CLIP4: variants seen among roughly 807,000 people sequenced by gnomAD.
CLIP4 encodes CAP-Gly domain containing linker protein family member 4.
A neutral mutation model predicts 73.1 loss-of-function variants in CLIP4; 47 were observed. That is an observed-to-expected ratio of 0.64 (90% confidence interval 0.51 to 0.82). The LOEUF is 0.82. Ranked by LOEUF, CLIP4 falls within the 40% of genes least tolerant of loss-of-function variation. The pLI, the probability that CLIP4 is intolerant of heterozygous loss-of-function variation, is 0.00. For synonymous variants in CLIP4, 306 were observed against 295.4 expected (o/e 1.04, Z -0.37); for missense variants, 874 against 852.9 (o/e 1.02, Z -0.31).
chr2:29,134,444 A>G lies in CLIP4; in HGVS notation c.529+628A>G, dbSNP rs547565054. ...GTACAATATTTTCCCCATTGTAGGA[A>G]CATGCTTCAGAGATTCAATAGATAA... On this transcript the variant is annotated intron_variant, in intron 5 of 15. Coordinates refer to ENST00000320081, the MANE Select transcript of CLIP4 (RefSeq NM_024692.6). 1.6e-4 allele frequency among the ~76,000 whole-genome samples: 24 copies of G among 152,332 alleles called. No individual in the cohort carries two copies. In the East Asian group the frequency reaches 4.6e-3, roughly 29 times the overall value.
intron 1 of CLIP4, among the ~76,000 whole-genome samples, chr2:29,108,091 A>C (rs1389959941): frequency 6.6e-6 from 1 of 152,122 alleles, no homozygotes; most frequent in Non-Finnish European, 1.5e-5. Context: ...CTTTATCCAC[A>C]GGGGATATGT....
chr2:29,118,517 A>T (rs977491976), intron 1 of CLIP4, among the ~76,000 whole-genome samples: 29 of 138,928 alleles, frequency 2.1e-4, no homozygotes, highest in Admixed American at 1.6e-3. Context: ...ATTAGTGCCA[A>T]TTTTTTTTTT....
intron 1 of CLIP4, among the ~76,000 whole-genome samples, chr2:29,107,143 G>T (rs1333994332): frequency 1.3e-5 from 2 of 152,020 alleles, no homozygotes; most frequent in Non-Finnish European, 2.9e-5. Flanking sequence ...GCTCCAATGG[G>T]TCTGACATTT....
In CLIP4 at chr2:29,146,020, A is replaced by T. The variant is rs115946523; in HGVS notation, c.1021+653A>T. 4.9e-3 allele frequency among the ~76,000 whole-genome samples: 745 copies of T among 152,300 alleles called. 4 individuals carry two copies. Among genetic ancestry groups the T allele is most frequent in the African/African-American group, 0.016 (674 of 41,580 alleles). ...AGAGGCCATGATGGAAAGGTTTAGG[A>T]GGGTGTCTGGTAGTGACTGGTGAAG... On this transcript the variant is annotated intron_variant, in intron 8 of 15. Transcript: ENST00000320081.
chr2:29,135,150 G>C (rs1431907701), intron 5 of CLIP4, among the ~76,000 whole-genome samples: 1 of 152,128 alleles, frequency 6.6e-6, no homozygotes, highest in Non-Finnish European at 1.5e-5. Context: ...TTTGGCCTCT[G>C]AGTCATAGGT....
chr2:29,157,763 C>T (rs1246955416), intron 11 of CLIP4, among the ~76,000 whole-genome samples: 3 of 152,272 alleles, frequency 2.0e-5, no homozygotes, highest in African/African-American at 7.2e-5. Context: ...TTTAACTAGC[C>T]GTGAACCTGC....
chr2:29,130,648 C>T (rs1362124326), intron 2 of CLIP4: 13 of 1,126,004 alleles, frequency 1.2e-5, no homozygotes, highest in South Asian at 4.0e-5. Flanking sequence ...TCTAAGCTTA[C>T]GAATGTTATC....
Position 29,181,668 on chromosome 2 carries a change from C to T in CLIP4, c.1893C>T (p.Leu631=), listed in dbSNP as rs142979366. The T allele has an allele frequency of 1.2e-4, 191 of 1,614,182 alleles. 1 individual carries two copies. The African/African-American group carries it at 2.1e-3, about 18-fold the overall frequency. The change falls in exon 16 of 16, where the codon CTC becomes CTT. Residue 631 remains leucine (L), a synonymous_variant. Coordinates refer to ENST00000320081, the MANE Select transcript of CLIP4 (RefSeq NM_024692.6). ...VKLHEGSQVL[L]TSSNEMGTVR... ...TGCACGAGGGGTCTCAGGTCCTGCT[C>T]ACGAGCTCCAATGAGATGGGTACTG... is the stretch of plus-strand genomic sequence containing the variant.
At chr2:29,143,412 T>TCC (rs1553370903) in intron 6 of CLIP4, among the ~76,000 whole-genome samples, 21 of 145,686 alleles carry the variant, frequency 1.4e-4, no homozygotes, top group African/African-American at 5.2e-4. Flanking sequence ...TTTTTTTTTT[T>TCC]CCCTCCAGGC....
At chr2:29,101,030 C>T (rs554983792) in intron 1 of CLIP4, among the ~76,000 whole-genome samples, 2 of 151,982 alleles carry the variant, frequency 1.3e-5, no homozygotes, top group Admixed American at 1.3e-4. Context: ...GTGGTTCACA[C>T]CTGTAATTCC....
intron 8 of CLIP4, among the ~76,000 whole-genome samples, chr2:29,147,445 A>G (rs1011250903): frequency 1.3e-5 from 2 of 152,100 alleles, no homozygotes; most frequent in Non-Finnish European, 2.9e-5. Flanking sequence ...ATGTAGTTTT[A>G]TGGCTTAAAG....
chr2:29,109,673 G>A (rs1364717100), intron 1 of CLIP4, among the ~76,000 whole-genome samples: 1 of 152,190 alleles, frequency 6.6e-6, no homozygotes, highest in Non-Finnish European at 1.5e-5. Context: ...GGCAGCAACT[G>A]GAGGGTCTGG....
At position 29,135,617 on chromosome 2, in the gene CLIP4, C is replaced by T; in HGVS notation, c.599C>T (p.Ala200Val). The T allele has an allele frequency of 6.2e-7, 1 of 1,610,754 alleles. No individual in the cohort carries two copies. The highest frequency in any genetic ancestry group is 8.5e-7 in the Non-Finnish European group (1 of 1,178,718). ...ALHIAAYNLCAGAVKCLLEQG... is the reference protein window; with the variant it reads ...ALHIAAYNLCVGAVKCLLEQG... ...CATATTGCAGCATACAACTTGTGTG[C>T]AGGTGCTGTGAAGTGCCTCTTGGAG... is the stretch of plus-strand genomic sequence containing the variant. Residue 200 changes from alanine to valine, a missense_variant, in exon 6 of 16, where the codon GCA becomes GTA. Coordinates refer to ENST00000320081, the MANE Select transcript of CLIP4 (RefSeq NM_024692.6).
At chr2:29,123,941 A>G (rs1402304340) in intron 2 of CLIP4, among the ~76,000 whole-genome samples, 1 of 152,244 alleles carries the variant, frequency 6.6e-6, no homozygotes, top group East Asian at 1.9e-4. Context: ...AAATGCCTTC[A>G]GAATCAGTTC....
chr2:29,112,963 C>T (rs747946311), upstream of CLIP4, among the ~76,000 whole-genome samples: 4 of 152,194 alleles, frequency 2.6e-5, no homozygotes, highest in Admixed American at 6.5e-5. Flanking sequence ...TTCCTGCTGC[C>T]GAGTGTCTGA....
chr2:29,161,046 C>T (rs146213389), intron 12 of CLIP4, among the ~76,000 whole-genome samples: 1 of 152,108 alleles, frequency 6.6e-6, no homozygotes, highest in Non-Finnish European at 1.5e-5. Flanking sequence ...ATGATCTCAG[C>T]TCACCGCAAC....
At chr2:29,136,757 A>C (rs1366784534) in intron 6 of CLIP4, among the ~76,000 whole-genome samples, 1 of 152,104 alleles carries the variant, frequency 6.6e-6, no homozygotes, top group Non-Finnish European at 1.5e-5. Context: ...CAAGAAGCCT[A>C]GGAGATGATC....
At chr2:29,132,321 TATTGTCTGGGGGA>T (rs1665033896) in intron 4 of CLIP4, 76 bp downstream of exon 4, 1 of 1,235,974 alleles carries the variant, frequency 8.1e-7, no homozygotes, top group East Asian at 2.3e-5. Flanking sequence ...TATGCCCATA[TATTGTCTGGGGGA>T]AGGCACCCAG....
chr2:29,169,340 T>G (rs974504320), intron 14 of CLIP4, among the ~76,000 whole-genome samples: 5 of 73,838 alleles, frequency 6.8e-5, no homozygotes, highest in African/African-American at 1.6e-4. Context: ...TGTGTGTGTG[T>G]GTGTGTGTGT....
Sources: allele counts gnomAD v4.1 joint callset (sites outside exome capture counted in the v4.1 genomes callset), GRCh38; gene constraint gnomAD v4.1.1; transcripts MANE v1.5; gene names NCBI Gene and HGNC (gene_info 2026-07-23, HGNC 2026-07-21).